ASTN2: variants seen among roughly 807,000 people sequenced by gnomAD.
The protein encoded by ASTN2 is astrotactin 2.
In ASTN2, 54 loss-of-function variants were observed where a neutral mutation model predicts 139.8. The ratio of observed to expected loss-of-function variants is 0.39; its 90% CI spans 0.31 to 0.48. The LOEUF is 0.48. ASTN2 is among the 20% of genes least tolerant of loss of function. The pLI is 0.95. For synonymous variants in ASTN2, 756 were observed against 719.5 expected (o/e 1.05, Z -0.81); for missense variants, 1,565 against 1,725.1 (o/e 0.91, Z 1.64).
intron 19 of ASTN2, among the ~76,000 whole-genome samples, chr9:116,522,274 T>C (rs1850908738): frequency 6.6e-6 from 1 of 151,990 alleles, no homozygotes. Flanking sequence ...CAAATACCCA[T>C]CAATCAATAA....
At chr9:116,598,776 G>A (rs950436628) in intron 19 of ASTN2, among the ~76,000 whole-genome samples, 1 of 152,196 alleles carries the variant, frequency 6.6e-6, no homozygotes, top group Non-Finnish European at 1.5e-5. Flanking sequence ...GCTAGGAGAG[G>A]ATGGATAATT....
At chr9:116,621,674 C>T (rs769730836) in intron 17 of ASTN2, among the ~76,000 whole-genome samples, 1 of 152,228 alleles carries the variant, frequency 6.6e-6, no homozygotes, top group African/African-American at 2.4e-5. Flanking sequence ...CCACCAAGGG[C>T]AAGGGCCAGG....
chr9:117,243,547 G>C (rs542352801), intron 2 of ASTN2, among the ~76,000 whole-genome samples: 2 of 152,154 alleles, frequency 1.3e-5, no homozygotes, highest in African/African-American at 2.4e-5. Context: ...CGGAAGCCCT[G>C]CTAAGTGTTT....
chr9:117,003,953 C>CGCGCGTGT (rs1218309835), intron 7 of ASTN2, among the ~76,000 whole-genome samples: 178 of 146,280 alleles, frequency 1.2e-3, no homozygotes, highest in African/African-American at 4.6e-3. Context: ...CGCGCGCGCG[C>CGCGCGTGT]GTGTGTGTGT....
intron 4 of ASTN2, among the ~76,000 whole-genome samples, chr9:117,132,843 A>G (rs1192897603): frequency 6.6e-6 from 1 of 152,210 alleles, no homozygotes; most frequent in Non-Finnish European, 1.5e-5. Context: ...TGAAGATGCC[A>G]GGGTGCCGAT....
chr9:117,009,992 C>T (rs1249797407), intron 6 of ASTN2, among the ~76,000 whole-genome samples: 2 of 152,140 alleles, frequency 1.3e-5, no homozygotes, highest in Non-Finnish European at 2.9e-5. Flanking sequence ...AATTCACACA[C>T]ATCATATGAT....
intron 5 of ASTN2, among the ~76,000 whole-genome samples, chr9:117,058,859 G>C (rs1224096984): frequency 2.0e-5 from 3 of 152,190 alleles, no homozygotes; most frequent in Non-Finnish European, 4.4e-5. Flanking sequence ...TTTAAGCCCT[G>C]TCCTGGTGGG....
At chr9:116,815,815 A>AAAAAAAAAAC (rs1831307524) in intron 12 of ASTN2, among the ~76,000 whole-genome samples, 2 of 147,460 alleles carry the variant, frequency 1.4e-5, no homozygotes, top group African/African-American at 5.0e-5. Flanking sequence ...AAAAAAAAAA[A>AAAAAAAAAAC]AAAAAAAAAA....
chr9:117,014,645 C>G (rs1013131535), intron 6 of ASTN2, among the ~76,000 whole-genome samples: 3 of 152,088 alleles, frequency 2.0e-5, no homozygotes, highest in Non-Finnish European at 4.4e-5. Context: ...TGCTGCAGTT[C>G]TAACCTCTAG....
intron 10 of ASTN2, among the ~76,000 whole-genome samples, chr9:116,910,492 A>G (rs1834280913): frequency 1.3e-5 from 2 of 152,114 alleles, no homozygotes; most frequent in South Asian, 4.1e-4. Flanking sequence ...GCTTTAGGTT[A>G]TTTACTTGAC....
chr9:117,401,940 A>C (rs991173336), intron 1 of ASTN2, among the ~76,000 whole-genome samples: 3 of 152,244 alleles, frequency 2.0e-5, no homozygotes, highest in Non-Finnish European at 4.4e-5. Context: ...ATAGTATGGC[A>C]TAAAGAAAGG....
intron 10 of ASTN2, among the ~76,000 whole-genome samples, chr9:116,865,354 C>T (rs1832987116): frequency 7.2e-6 from 1 of 139,724 alleles, no homozygotes; most frequent in African/African-American, 2.6e-5. Flanking sequence ...GCCTGTGGTC[C>T]CAGCTACTCG....
intron 10 of ASTN2, among the ~76,000 whole-genome samples, chr9:116,972,195 C>A (rs768517052): frequency 2.0e-5 from 2 of 100,314 alleles, no homozygotes; most frequent in Non-Finnish European, 4.0e-5. Flanking sequence ...TTAGTTTACT[C>A]ATTAATGAAA....
intron 16 of ASTN2, among the ~76,000 whole-genome samples, chr9:116,668,041 C>A (rs1030093105): frequency 2.0e-5 from 3 of 152,034 alleles, no homozygotes; most frequent in Non-Finnish European, 4.4e-5. Flanking sequence ...ATTTTCACTG[C>A]CCTAAAAATA....
chr9:117,386,399 C>T (rs759098320), intron 1 of ASTN2, among the ~76,000 whole-genome samples: 1 of 152,118 alleles, frequency 6.6e-6, no homozygotes, highest in Non-Finnish European at 1.5e-5. Context: ...TGGATATGTA[C>T]CCATTCTGCT....
intron 20 of ASTN2, among the ~76,000 whole-genome samples, chr9:116,486,599 C>T (rs1440773047): frequency 6.6e-6 from 1 of 152,132 alleles, no homozygotes; most frequent in Non-Finnish European, 1.5e-5. Flanking sequence ...AGCTTTCTAA[C>T]TTGACAAGGG....
intron 3 of ASTN2, among the ~76,000 whole-genome samples, chr9:117,152,391 G>A (rs529502371): frequency 6.6e-6 from 1 of 152,100 alleles, no homozygotes; most frequent in East Asian, 1.9e-4. Context: ...TAACATTCAG[G>A]GTTTTCATCT....
At chr9:116,556,850 G>A (rs924005556) in intron 19 of ASTN2, among the ~76,000 whole-genome samples, 18 of 152,084 alleles carry the variant, frequency 1.2e-4, no homozygotes, top group Admixed American at 5.9e-4. Context: ...ATATATGTAC[G>A]CACACACATA....
At position 117,133,868 on chromosome 9, in the gene ASTN2, G is replaced by T. The variant is rs941291814; in HGVS notation, c.1168+7458C>A. On this transcript the variant is annotated intron_variant, in intron 4 of 22. Transcript: ENST00000313400. ...GGAAGAAGTTCAAGCTGCAAAAAGC[G>T]CATAGAGGTGGAGGTAAAAGGAGTT... 2.0e-5 allele frequency among the ~76,000 whole-genome samples: 3 copies of T among 152,066 alleles called. No individual in the cohort carries two copies. The East Asian group carries it at 5.8e-4, about 30-fold the overall frequency.
Sources: gnomAD v4.1 joint callset for allele counts (sites outside exome capture counted in the v4.1 genomes callset) on GRCh38, gnomAD v4.1.1 for gene constraint, MANE v1.5 for transcripts, NCBI Gene and HGNC (gene_info 2026-07-23, HGNC 2026-07-21) for gene names.